Variants in ACACA observed in about 807,000 individuals in gnomAD.
The protein encoded by ACACA is acetyl-CoA carboxylase 1.
In ACACA, 103 loss-of-function variants were observed where a neutral mutation model predicts 296.1. The ratio of observed to expected loss-of-function variants is 0.35; its 90% CI spans 0.30 to 0.41. The LOEUF is 0.41. Ranked by LOEUF, ACACA falls within the 10% of genes least tolerant of loss-of-function variation. ACACA has a pLI of 1.00. For missense variants in ACACA, 1,554 were observed against 2,989.7 expected, an observed-to-expected ratio of 0.52 and a Z score of 11.20; for synonymous variants, 953 against 1,038.6, an observed-to-expected ratio of 0.92 and a Z score of 1.58.
At chr17:37,119,636 AC>A (rs1364949357) in intron 50 of ACACA, among the ~76,000 whole-genome samples, 19 of 137,588 alleles carry the variant, frequency 1.4e-4, no homozygotes, top group African/African-American at 4.9e-4. Context: ...ACACACACAC[AC>A]ACACAATCAA....
At chr17:37,315,178 G>A (rs1308136488) in intron 3 of ACACA, among the ~76,000 whole-genome samples, 1 of 151,332 alleles carries the variant, frequency 6.6e-6, no homozygotes, top group Admixed American at 6.6e-5. Context: ...GGCTGGTCTC[G>A]AACTCCCGAC....
chr17:37,386,410 G>A (rs1468678357), intron 1 of ACACA, among the ~76,000 whole-genome samples: 6 of 151,988 alleles, frequency 3.9e-5, no homozygotes, highest in African/African-American at 1.2e-4. Context: ...TGACCAACAC[G>A]GTGAAAACCC....
In ACACA at chr17:37,226,436, C is replaced by T. The variant is rs1263796007; in HGVS notation, c.3263G>A (p.Arg1088Gln). Residue 1088 changes from arginine (R) to glutamine (Q), a missense_variant, in exon 26 of 56, where the codon CGG becomes CAG. Transcript: ENST00000616317. ...CAGCTCATCAGTGAGAGTAGGGTCC[C>T]GGCCACACAACTGATCCTAATTGTT... The part of the protein sequence containing the change: ...VTMLIDQLCG[R>Q]DPTLTDELLN... 6.2e-7 allele frequency: 1 copy of T among 1,613,710 alleles called. No individual in the cohort carries two copies. Among genetic ancestry groups the T allele is most frequent in the African/African-American group, 1.3e-5 (1 of 74,852 alleles).
chr17:37,191,335 C>A (rs1444321964), intron 37 of ACACA, 60 bp from the exon 38 acceptor site: 1 of 1,489,178 alleles, frequency 6.7e-7, no homozygotes, highest in African/African-American at 1.4e-5. Flanking sequence ...AAAGAAATGG[C>A]TATTATAATC....
chr17:37,248,449 G>A, intron 17 of ACACA, 144 bp downstream of exon 17: 1 of 755,184 alleles, frequency 1.3e-6, no homozygotes, highest in Non-Finnish European at 2.3e-6. Context: ...AACAAACGCT[G>A]CTTCAGGACA....
chr17:37,260,282 A>T (rs183207888), intron 11 of ACACA, among the ~76,000 whole-genome samples: 26 of 35,600 alleles, frequency 7.3e-4, no homozygotes, highest in African/African-American at 3.3e-3. Context: ...ATATATATAT[A>T]TATATATATA....
intron 39 of ACACA, among the ~76,000 whole-genome samples, chr17:37,185,301 T>C (rs2077482238): frequency 6.6e-6 from 1 of 151,790 alleles, no homozygotes; most frequent in Non-Finnish European, 1.5e-5. Flanking sequence ...GTCACAATCA[T>C]AGCTCATTGC....
chr17:37,314,600 C>A lies in ACACA; in HGVS notation c.338+15573G>T, dbSNP rs534143907. Among the ~76,000 whole-genome samples the A allele has an allele frequency of 2.0e-3, 299 of 147,358 alleles. 2 individuals carry two copies. The highest frequency in any genetic ancestry group is 7.1e-3 in the African/African-American group (283 of 39,844). On this transcript the variant is annotated intron_variant, in intron 3 of 55. Transcript: ENST00000616317. ...GGGCTCCACGACCAGAGGCTGTAAT[C>A]TAATAAATCCGGGATAGGACTCAGG...
In ACACA at chr17:37,129,483, G is replaced by A. The variant is rs201284070; in HGVS notation, c.5826C>T (p.Ser1942=). ...TCAGAAGAGGAACTGAACTGTGCAC[G>A]CTCTAAAAGGAGATTGGAAGAGAGC... ...VLHWLSYMPK[S]VHSSVPLLNS... is the part of the protein sequence containing the mutation. Residue 1942 remains serine (S), a splice_region_variant and synonymous_variant, in exon 47 of 56, where the codon AGC becomes AGT. Coordinates refer to ENST00000616317, the MANE Select transcript of ACACA (RefSeq NM_198834.3). 29 of 1,613,898 alleles carry A rather than the reference G, an allele frequency of 1.8e-5. No homozygotes were observed. The highest frequency in any genetic ancestry group is 2.1e-5 in the Non-Finnish European group (25 of 1,179,888).
intron 3 of ACACA, among the ~76,000 whole-genome samples, chr17:37,302,437 T>C (rs1305074552): frequency 6.6e-6 from 1 of 152,108 alleles, no homozygotes; most frequent in African/African-American, 2.4e-5. Flanking sequence ...CTCGAACTCC[T>C]GACCTCAGGT....
At chr17:37,381,286 C>A (rs937896396) in intron 1 of ACACA, among the ~76,000 whole-genome samples, 8 of 151,882 alleles carry the variant, frequency 5.3e-5, no homozygotes, top group African/African-American at 1.7e-4. Context: ...CCCAGGTTCA[C>A]GTGATTCTCC....
intron 1 of ACACA, among the ~76,000 whole-genome samples, chr17:37,364,598 A>AAAAAAAAGAAAAAG (rs71284912): frequency 0.14 from 18,683 of 136,294 alleles, 3,663 homozygotes; most frequent in African/African-American, 0.44. Flanking sequence ...CTCAAAAAAA[A>AAAAAAAAGAAAAAG]AAAAAAAGAA....
chr17:37,260,290 ATATATATTTTTTTTTTT>A (rs1474624944), intron 11 of ACACA, among the ~76,000 whole-genome samples: 14 of 17,564 alleles, frequency 8.0e-4, no homozygotes, highest in African/African-American at 2.9e-3. Context: ...ATATATATAT[ATATATATTTTTTTTTTT>A]TTTTTTTTTG....
intron 1 of ACACA, among the ~76,000 whole-genome samples, chr17:37,356,066 G>C (rs531238075): frequency 4.6e-4 from 70 of 152,012 alleles, no homozygotes; most frequent in African/African-American, 1.6e-3. Flanking sequence ...AGCTACTCAG[G>C]GGGGTGAGGC....
chr17:37,301,630 C>A (rs2083621679), intron 3 of ACACA, among the ~76,000 whole-genome samples: 1 of 152,186 alleles, frequency 6.6e-6, no homozygotes, highest in Non-Finnish European at 1.5e-5. Context: ...TTAAAGGTTT[C>A]TTTGTGGACT....
At chr17:37,362,290 G>C (rs1172038786) in intron 1 of ACACA, among the ~76,000 whole-genome samples, 1 of 152,116 alleles carries the variant, frequency 6.6e-6, no homozygotes, top group Non-Finnish European at 1.5e-5. Context: ...TGACTTCCAG[G>C]GTTTTCAAGG....
intron 39 of ACACA, among the ~76,000 whole-genome samples, chr17:37,182,896 A>T (rs2077378303): frequency 6.6e-6 from 1 of 152,192 alleles, no homozygotes; most frequent in South Asian, 2.1e-4. Context: ...TTCTGGGGAA[A>T]ACATGTCTCA....
At chr17:37,093,256 C>T (rs1420475244) in intron 54 of ACACA, among the ~76,000 whole-genome samples, 1 of 152,152 alleles carries the variant, frequency 6.6e-6, no homozygotes, top group African/African-American at 2.4e-5. Flanking sequence ...AGAATAAGAG[C>T]GAGTGGGTAG....
chr17:37,133,130 G>C (rs575091765), intron 45 of ACACA, among the ~76,000 whole-genome samples: 1 of 152,266 alleles, frequency 6.6e-6, no homozygotes, highest in African/African-American at 2.4e-5. Context: ...TTACAGAATA[G>C]ACTAAGAGTA....
Sources: allele counts gnomAD v4.1 joint callset (sites outside exome capture counted in the v4.1 genomes callset), GRCh38; gene constraint gnomAD v4.1.1; transcripts MANE v1.5; gene names NCBI Gene and HGNC (gene_info 2026-07-23, HGNC 2026-07-21).